Variants in KAT14 observed in about 807,000 individuals in gnomAD.
KAT14 encodes cysteine-rich protein 2-binding protein.
KAT14 carries 66 observed loss-of-function variants against 78.4 expected under a neutral mutation model. The ratio of observed to expected loss-of-function variants is 0.84; its 90% CI spans 0.69 to 1.03. The LOEUF (loss-of-function observed/expected upper bound fraction) is 1.03. Among genes scored for constraint, KAT14 ranks in the 50% least tolerant of loss-of-function variants. KAT14 has a pLI of 0.00. For synonymous variants in KAT14, 344 were observed against 359.4 expected, an observed-to-expected ratio of 0.96 and a Z score of 0.48; for missense variants, 870 against 972.5, an observed-to-expected ratio of 0.89 and a Z score of 1.40.
chr20:18,162,784 A>G lies in KAT14; in HGVS notation c.1507A>G (p.Arg503Gly). 2 of 1,614,242 alleles carry G rather than the reference A, an allele frequency of 1.2e-6. No individual in the cohort carries two copies. The highest frequency in any genetic ancestry group is 2.2e-5 in the East Asian group (1 of 44,886). ...GATTGTCAGACAAGCGAAAAGGGAT[A>G]GGGGATTACCACTTTTTGACTTGGA... ...KLIVRQAKRDRGLPLFDLDQV... is the reference protein window; with the variant it reads ...KLIVRQAKRDGGLPLFDLDQV... The change falls in exon 7 of 11, where the codon AGG (arginine) becomes GGG (glycine). Residue 503 changes from arginine (R) to glycine (G), a missense_variant. By Grantham distance (125) the Arg-to-Gly change is moderately radical. Coordinates refer to ENST00000688188, the MANE Select transcript of KAT14 (RefSeq NM_001392073.1).
intron 5 of KAT14, 25 bp from the exon 6 acceptor site, chr20:18,161,798 G>C (rs967358600): frequency 6.2e-7 from 1 of 1,601,354 alleles, no homozygotes; most frequent in Non-Finnish European, 8.5e-7. Flanking sequence ...GGGATACTCA[G>C]CCTGTATTTA....
rs142522519 is a variant in KAT14 at position 18,141,731 on chromosome 20, A to G, written c.-453-477A>G. 4.9e-3 allele frequency among the ~76,000 whole-genome samples: 747 copies of G among 152,230 alleles called. 8 individuals carry two copies. Among genetic ancestry groups the G allele is most frequent in the African/African-American group, 0.017 (688 of 41,562 alleles). ...AAACCCCGTCTCTACTAAAAATACA[A>G]AAATTAGCTGGGCATGGTGATGCAC... is the stretch of plus-strand genomic sequence containing the variant. On this transcript the variant is annotated intron_variant, in intron 1 of 10. Transcript: ENST00000688188.
intron 7 of KAT14, among the ~76,000 whole-genome samples, chr20:18,172,457 C>G (rs111382943): frequency 0.13 from 19,693 of 151,092 alleles, 1,800 homozygotes; most frequent in African/African-American, 0.26. Flanking sequence ...AGTGTAGTGG[C>G]ACAATCATGG....
chr20:18,138,202 G>C, intron 1 of KAT14, 151 bp downstream of exon 1: 1 of 1,268,006 alleles, frequency 7.9e-7, no homozygotes, highest in Non-Finnish European at 9.9e-7. Flanking sequence ...TGCGGCTGCG[G>C]CCGGCGGCCG....
intron 7 of KAT14, among the ~76,000 whole-genome samples, chr20:18,167,884 T>TC (rs5840800): frequency 0.29 from 44,438 of 151,804 alleles, 6,703 homozygotes; most frequent in Middle Eastern, 0.45. Flanking sequence ...CATGTGGTTG[T>TC]CCCCCCAAAC....
At chr20:18,157,948 T>C (rs1449682658) in intron 4 of KAT14, among the ~76,000 whole-genome samples, 1 of 152,138 alleles carries the variant, frequency 6.6e-6, no homozygotes, top group Non-Finnish European at 1.5e-5. Flanking sequence ...CAGATAGTGC[T>C]TTTTTTGAGA....
At chr20:18,153,072 A>G (rs2038105449) in intron 4 of KAT14, among the ~76,000 whole-genome samples, 1 of 152,240 alleles carries the variant, frequency 6.6e-6, no homozygotes. Flanking sequence ...TGAATCTTAC[A>G]TAATGAGGTT....
At chr20:18,138,902 C>T (rs1203359965) in intron 1 of KAT14, among the ~76,000 whole-genome samples, 1 of 152,204 alleles carries the variant, frequency 6.6e-6, no homozygotes, top group Non-Finnish European at 1.5e-5. Context: ...CAGTGATTCA[C>T]GACCTTGCTG....
chr20:18,181,849 A>G lies in KAT14; in HGVS notation c.1805+3A>G. On this transcript the variant is annotated splice_donor_region_variant and intron_variant, in intron 8 of 10. Coordinates refer to ENST00000688188, the MANE Select transcript of KAT14 (RefSeq NM_001392073.1). ...CGGATCTTGAAACCTTATATCAGGT[A>G]TATGGAGAACTAGAGGTGTGATGTC... The G allele has an allele frequency of 6.2e-7, 1 of 1,613,876 alleles. No individual in the cohort carries two copies. Among genetic ancestry groups the G allele is most frequent in the Non-Finnish European group, 8.5e-7 (1 of 1,179,884 alleles).
At chr20:18,158,862 C>T (rs931441348) in intron 4 of KAT14, among the ~76,000 whole-genome samples, 18 of 152,098 alleles carry the variant, frequency 1.2e-4, no homozygotes, top group African/African-American at 4.3e-4. Flanking sequence ...GTTCTATTAT[C>T]CTGATTTTAC....
chr20:18,184,826 G>C lies in KAT14; in HGVS notation c.2172+34G>C, dbSNP rs373701148. ...TCTATGTTTATGATTTATCACCTGT[G>C]TCTGGGCTCCCCTGAACAACCTGGA... On this transcript the variant is annotated intron_variant, in intron 10 of 10. Coordinates refer to ENST00000688188, the MANE Select transcript of KAT14 (RefSeq NM_001392073.1). 1.0e-5 allele frequency: 16 copies of C among 1,570,866 alleles called. No individual in the cohort carries two copies. The African/African-American group carries it at 2.2e-4, about 22-fold the overall frequency.
intron 7 of KAT14, among the ~76,000 whole-genome samples, chr20:18,177,202 A>G (rs1706794293): frequency 6.6e-6 from 1 of 152,092 alleles, no homozygotes; most frequent in Admixed American, 6.5e-5. Flanking sequence ...GGGTTCACTC[A>G]TGTGCTGCAT....
In KAT14 at chr20:18,184,671, T is replaced by C. The variant is rs765253014; in HGVS notation, c.2051T>C (p.Ile684Thr). 1.4e-5 allele frequency: 23 copies of C among 1,613,950 alleles called. No homozygotes were observed. The highest frequency in any genetic ancestry group is 2.7e-5 in the African/African-American group (2 of 74,916). The change falls in exon 10 of 11, where the codon ATT (isoleucine) becomes ACT (threonine). Residue 684 changes from isoleucine (I) to threonine (T), a missense_variant. Transcript: ENST00000688188. ...GTTGTTCTTTATAAAAAAGTCATCA[T>C]TGCCTTTGGCTTCATGGTTCCTGAT... ...SVVVLYKKVI[I>T]AFGFMVPDVK...
At chr20:18,151,863 C>T (rs1008855014) in intron 4 of KAT14, among the ~76,000 whole-genome samples, 2 of 151,306 alleles carry the variant, frequency 1.3e-5, no homozygotes, top group East Asian at 2.0e-4. Flanking sequence ...ATTAGCTGGG[C>T]GTGGTGGCAG....
At chr20:18,172,506 G>A (rs1347919286) in intron 7 of KAT14, among the ~76,000 whole-genome samples, 1 of 151,554 alleles carries the variant, frequency 6.6e-6, no homozygotes, top group African/African-American at 2.4e-5. Flanking sequence ...GGCTCATGCA[G>A]TCCTCCCACT....
intron 5 of KAT14, among the ~76,000 whole-genome samples, chr20:18,159,944 C>T (rs952791412): frequency 5.3e-5 from 8 of 152,136 alleles, no homozygotes; most frequent in Admixed American, 3.9e-4. Context: ...GGTACAGTCT[C>T]GCTTTGTTGC....
At chr20:18,163,610 A>G (rs972401321) in intron 7 of KAT14, among the ~76,000 whole-genome samples, 11 of 152,098 alleles carry the variant, frequency 7.2e-5, no homozygotes, top group African/African-American at 2.4e-4. Flanking sequence ...GTTACAGGTG[A>G]GGTTAAATTT....
At chr20:18,147,425 A>G (rs1010152695) in intron 3 of KAT14, among the ~76,000 whole-genome samples, 11 of 152,242 alleles carry the variant, frequency 7.2e-5, no homozygotes, top group African/African-American at 2.7e-4. Flanking sequence ...GTTGTTTCTC[A>G]TAAAAGCTGT....
At chr20:18,158,379 T>C (rs1225464527) in intron 4 of KAT14, among the ~76,000 whole-genome samples, 1 of 152,262 alleles carries the variant, frequency 6.6e-6, no homozygotes, top group Non-Finnish European at 1.5e-5. Context: ...ACTGGTCTTC[T>C]TGTGAAAGAC....
Sources: gnomAD v4.1 joint callset for allele counts (sites outside exome capture counted in the v4.1 genomes callset) on GRCh38, gnomAD v4.1.1 for gene constraint, MANE v1.5 for transcripts, NCBI Gene and HGNC (gene_info 2026-07-23, HGNC 2026-07-21) for gene names.